RAD50: variants seen among roughly 807,000 people sequenced by gnomAD.
RAD50 encodes the protein DNA repair protein RAD50.
Under a neutral mutation model 168.8 loss-of-function variants are expected in RAD50, and 132 were observed. The observed-to-expected ratio is 0.78, with a 90% CI of 0.68 to 0.90. The LOEUF (loss-of-function observed/expected upper bound fraction) is 0.90, where lower values mean the gene tolerates loss of function less well. Ranked by LOEUF, RAD50 falls within the 40% of genes least tolerant of loss-of-function variation. The pLI is 0.00. For synonymous variants in RAD50, 525 were observed against 497.4 expected, an observed-to-expected ratio of 1.06 and a Z score of -0.74; for missense variants, 1,347 against 1,534.4, an observed-to-expected ratio of 0.88 and a Z score of 2.04.
intron 8 of RAD50, 75 bp from the exon 9 acceptor site, chr5:132,589,556 T>A (rs1035675486): frequency 1.1e-5 from 13 of 1,170,742 alleles, no homozygotes; most frequent in Non-Finnish European, 1.4e-5. Flanking sequence ...TCAGTGTACA[T>A]ATATTCCTTT....
chr5:132,631,745 A>G (rs1335380203), intron 21 of RAD50, among the ~76,000 whole-genome samples: 2 of 152,100 alleles, frequency 1.3e-5, no homozygotes. Context: ...TCACTCTGTC[A>G]CCCAGGCTGG....
chr5:132,608,101 C>G (rs1043619441), intron 16 of RAD50, among the ~76,000 whole-genome samples: 1 of 152,166 alleles, frequency 6.6e-6, no homozygotes, highest in Non-Finnish European at 1.5e-5. Flanking sequence ...GAAATATCTG[C>G]GTAGCCTTAG....
At chr5:132,588,339 A>G (rs1364669609) in intron 7 of RAD50, among the ~76,000 whole-genome samples, 1 of 152,198 alleles carries the variant, frequency 6.6e-6, no homozygotes, top group African/African-American at 2.4e-5. Context: ...GATTAGAACA[A>G]AAAGAGAGTC....
chr5:132,622,162 T>G (rs1751297309), intron 21 of RAD50, among the ~76,000 whole-genome samples: 1 of 151,992 alleles, frequency 6.6e-6, no homozygotes, highest in Non-Finnish European at 1.5e-5. Context: ...ATGGTTTTTT[T>G]ATAATTTTTT....
Position 132,557,243 on chromosome 5 carries a change from C to A in RAD50, c.-82C>A, listed in dbSNP as rs539978177. On this transcript the variant is annotated 5_prime_UTR_variant, in exon 1 of 25. Transcript: ENST00000378823. ...CTGACCCTGAGATTCGCGGGTCTCA[C>A]GTCCCGTGCACGCCTTGCTTCGGCC... is the stretch of plus-strand genomic sequence containing the variant. The A allele has an allele frequency of 1.9e-6, 3 of 1,556,186 alleles. No individual in the cohort carries two copies. The highest frequency in any genetic ancestry group is 2.7e-5 in the African/African-American group (2 of 73,772).
intron 11 of RAD50, chr5:132,593,020 A>G: frequency 2.7e-6 from 1 of 366,132 alleles, no homozygotes; most frequent in South Asian, 2.0e-5. Flanking sequence ...TTCTTCAGTT[A>G]GGGCATGAAG....
At chr5:132,630,080 T>G (rs1207684081) in intron 21 of RAD50, among the ~76,000 whole-genome samples, 9 of 152,010 alleles carry the variant, frequency 5.9e-5, no homozygotes, top group Admixed American at 1.3e-4. Context: ...TTCGCTCTTT[T>G]TGCCCAGGCT....
At chr5:132,588,114 G>A (rs748446737) in intron 7 of RAD50, 25 bp downstream of exon 7, 15 of 1,594,544 alleles carry the variant, frequency 9.4e-6, no homozygotes, top group South Asian at 2.2e-5. Context: ...TTATTTGGTC[G>A]TTTTTCCTAC....
At position 132,643,734 on chromosome 5, in the gene RAD50, G is replaced by GGC; in HGVS notation, c.*1370_*1371insGC. On this transcript the variant is annotated 3_prime_UTR_variant, in exon 25 of 25. Transcript: ENST00000378823. The stretch of plus-strand genomic sequence containing the variant: ...GGGGGTGGTGGTGGGGTGGGGGGGG[G>GGC]TCCTAAATGTAATCACGAGTAAGAT... 5.6e-6 allele frequency: 1 copy of GGC among 177,116 alleles called. No individual in the cohort carries two copies. Among genetic ancestry groups the GGC allele is most frequent in the Non-Finnish European group, 1.2e-5 (1 of 84,834 alleles). 11.0% of individuals were successfully genotyped at this position (177,116 alleles called of 1,614,324 possible).
At chr5:132,589,264 T>G (rs775382560) in intron 8 of RAD50, among the ~76,000 whole-genome samples, 2 of 152,240 alleles carry the variant, frequency 1.3e-5, no homozygotes, top group Non-Finnish European at 2.9e-5. Context: ...ATTATAATAC[T>G]GTATTTTACT....
At chr5:132,594,394 CT>C (rs1234546320) in intron 11 of RAD50, among the ~76,000 whole-genome samples, 2 of 152,060 alleles carry the variant, frequency 1.3e-5, no homozygotes, top group African/African-American at 4.8e-5. Flanking sequence ...TAAGCAAAAT[CT>C]TTGATGAATG....
chr5:132,559,574 T>C (rs1750084489), intron 2 of RAD50, among the ~76,000 whole-genome samples: 1 of 152,198 alleles, frequency 6.6e-6, no homozygotes, highest in African/African-American at 2.4e-5. Context: ...ATACTCTTAA[T>C]TTTGTATTCT....
At position 132,603,441 on chromosome 5, in the gene RAD50, A is replaced by G. The variant is rs766233063; in HGVS notation, c.2349A>G (p.Glu783=). ...TGGGTACAATAATGCCTGAAGAAGAAAGTGCCAAAGTATGCCTGACAGATG... is the reference window on the plus strand; with the variant it reads ...TGGGTACAATAATGCCTGAAGAAGAGAGTGCCAAAGTATGCCTGACAGATG... ...TLLGTIMPEE[E]SAKVCLTDVT... The change falls in exon 14 of 25, where the codon GAA becomes GAG. Residue 783 remains glutamate (E), a synonymous_variant. Coordinates refer to ENST00000378823, the MANE Select transcript of RAD50 (RefSeq NM_005732.4). 12 of 1,613,892 alleles carry G rather than the reference A, an allele frequency of 7.4e-6. No individual in the cohort carries two copies. In the East Asian group the frequency reaches 2.7e-4, roughly 36 times the overall value.
rs562087381 is a variant in RAD50, at chr5:132,633,624, G to C, written c.3390-3491G>C. ...AGGGTCTTACTCTGTCACCGAGGCT[G>C]GAGTGCAGTGGCATGATCACAGCTT... On this transcript the variant is annotated intron_variant, in intron 21 of 24. Transcript: ENST00000378823. Among the ~76,000 whole-genome samples the C allele has an allele frequency of 1.6e-3, 246 of 151,478 alleles. 1 individual carries two copies. The highest frequency in any genetic ancestry group is 5.8e-3 in the African/African-American group (237 of 41,146).
chr5:132,596,825 T>C (rs1368446914), intron 13 of RAD50, among the ~76,000 whole-genome samples: 1 of 152,162 alleles, frequency 6.6e-6, no homozygotes, highest in Non-Finnish European at 1.5e-5. Context: ...GGATACAGAA[T>C]GAGAAGAATA....
intron 23 of RAD50, among the ~76,000 whole-genome samples, chr5:132,639,060 A>G (rs929731638): frequency 1.3e-5 from 2 of 152,190 alleles, no homozygotes; most frequent in Non-Finnish European, 2.9e-5. Context: ...TTTTTGCTTA[A>G]AGAACATGCC....
At chr5:132,612,270 G>T in intron 19 of RAD50, among the ~76,000 whole-genome samples, 1 of 152,300 alleles carries the variant, frequency 6.6e-6, no homozygotes, top group South Asian at 2.1e-4. Context: ...CATAATGTAC[G>T]ATTCCACTTA....
At chr5:132,586,127 A>G (rs988283160) in intron 5 of RAD50, among the ~76,000 whole-genome samples, 2 of 152,120 alleles carry the variant, frequency 1.3e-5, no homozygotes, top group Non-Finnish European at 2.9e-5. Flanking sequence ...GAGTTCTTAC[A>G]ATTAAGTATA....
intron 5 of RAD50, among the ~76,000 whole-genome samples, chr5:132,586,405 A>G (rs969883002): frequency 6.6e-6 from 1 of 152,226 alleles, no homozygotes; most frequent in African/African-American, 2.4e-5. Context: ...CATAGCAGAC[A>G]TTCAATCAGT....
Sources: allele counts gnomAD v4.1 joint callset (sites outside exome capture counted in the v4.1 genomes callset), GRCh38; gene constraint gnomAD v4.1.1; transcripts MANE v1.5; gene names NCBI Gene and HGNC (gene_info 2026-07-23, HGNC 2026-07-21).